LHFPL3: variants seen among roughly 807,000 people sequenced by gnomAD.
LHFPL3 encodes LHFPL tetraspan subfamily member 3, also known as LHFPL tetraspan subfamily member 3 protein.
A neutral mutation model predicts 19.3 loss-of-function variants in LHFPL3; 5 were observed. The observed-to-expected ratio is 0.26, with a 90% confidence interval of 0.14 to 0.54. The LOEUF is 0.54. Among genes scored for constraint, LHFPL3 ranks in the 20% least tolerant of loss-of-function variants. LHFPL3 has a pLI of 0.94. For synonymous variants in LHFPL3, 133 were observed against 126.2 expected, an observed-to-expected ratio of 1.05 and a Z score of -0.36; for missense variants, 249 against 307.4, an observed-to-expected ratio of 0.81 and a Z score of 1.42.
intron 1 of LHFPL3, among the ~76,000 whole-genome samples, chr7:104,723,362 G>A (rs1793522698): frequency 6.6e-6 from 1 of 152,172 alleles, no homozygotes; most frequent in African/African-American, 2.4e-5. Context: ...ATCATGGCAT[G>A]GTTTCTTTTC....
chr7:104,488,568 T>C (rs1793279980), intron 1 of LHFPL3, among the ~76,000 whole-genome samples: 1 of 152,142 alleles, frequency 6.6e-6, no homozygotes, highest in Admixed American at 6.5e-5. Flanking sequence ...ATCCTAAGAA[T>C]TTAAAGGTCC....
intron 1 of LHFPL3, among the ~76,000 whole-genome samples, chr7:104,644,952 C>T (rs2115910743): frequency 6.6e-6 from 1 of 152,302 alleles, no homozygotes; most frequent in South Asian, 2.1e-4. Context: ...GGTCTCTTCT[C>T]TATTACACCA....
chr7:104,520,033 A>G (rs569612287), intron 1 of LHFPL3, among the ~76,000 whole-genome samples: 14 of 151,912 alleles, frequency 9.2e-5, no homozygotes, highest in Admixed American at 2.6e-4. Flanking sequence ...CCGGTTTTCA[A>G]AGGGAATGCT....
chr7:104,488,390 G>A (rs1793276251), intron 1 of LHFPL3, among the ~76,000 whole-genome samples: 2 of 152,028 alleles, frequency 1.3e-5, no homozygotes, highest in Admixed American at 6.6e-5. Context: ...CTTTTCATTG[G>A]TTCACTTTTC....
chr7:104,491,025 G>T (rs1251991595), intron 1 of LHFPL3, among the ~76,000 whole-genome samples: 1 of 152,118 alleles, frequency 6.6e-6, no homozygotes, highest in South Asian at 2.1e-4. Flanking sequence ...TTGGAATCTA[G>T]ATCTCAAGGG....
intron 1 of LHFPL3, among the ~76,000 whole-genome samples, chr7:104,511,274 C>G (rs2115770122): frequency 1.3e-5 from 2 of 152,254 alleles, no homozygotes; most frequent in African/African-American, 4.8e-5. Flanking sequence ...TCACTAGACA[C>G]CTATCGGAAT....
intron 1 of LHFPL3, among the ~76,000 whole-genome samples, chr7:104,513,383 A>G (rs1423181645): frequency 1.3e-5 from 2 of 152,332 alleles, no homozygotes; most frequent in African/African-American, 4.8e-5. Flanking sequence ...AACTCCCAGC[A>G]TGGAAGGTGA....
In LHFPL3 at chr7:104,466,172, C is replaced by T. The variant is rs528668744; in HGVS notation, c.445+136948C>T. ...AATACTTAATAATACTTTTACCCAGCAACAACTTACATATCTGAAAATTTA... is the reference window on the plus strand; with the variant it reads ...AATACTTAATAATACTTTTACCCAGTAACAACTTACATATCTGAAAATTTA... On this transcript the variant is annotated intron_variant, in intron 1 of 2. Transcript: ENST00000424859. Among the ~76,000 whole-genome samples the T allele has an allele frequency of 2.6e-5, 4 of 152,282 alleles. No individual in the cohort carries two copies. In the East Asian group the frequency reaches 7.7e-4, roughly 29 times the overall value.
intron 2 of LHFPL3, among the ~76,000 whole-genome samples, chr7:104,748,254 T>C (rs942605158): frequency 6.6e-6 from 1 of 151,942 alleles, no homozygotes; most frequent in African/African-American, 2.4e-5. Context: ...AAGCCAGTAT[T>C]GTCCAAGGTT....
chr7:104,600,917 A>T (rs1790951916), intron 1 of LHFPL3, among the ~76,000 whole-genome samples: 1 of 152,160 alleles, frequency 6.6e-6, no homozygotes, highest in Non-Finnish European at 1.5e-5. Flanking sequence ...GAGTGTGTTC[A>T]TATGTAATGT....
intron 1 of LHFPL3, among the ~76,000 whole-genome samples, chr7:104,456,038 G>A (rs923035974): frequency 4.6e-5 from 7 of 152,206 alleles, no homozygotes; most frequent in Non-Finnish European, 8.8e-5. Context: ...ATCTGTCAGT[G>A]TATGAGGTCA....
intron 2 of LHFPL3, among the ~76,000 whole-genome samples, chr7:104,816,779 G>T (rs951796847): frequency 6.6e-6 from 1 of 152,186 alleles, no homozygotes; most frequent in Non-Finnish European, 1.5e-5. Flanking sequence ...GCCCAGGTGT[G>T]GAACCATCTC....
chr7:104,896,675 G>A (rs983410209), intron 2 of LHFPL3, among the ~76,000 whole-genome samples: 2 of 152,214 alleles, frequency 1.3e-5, no homozygotes, highest in Admixed American at 6.5e-5. Context: ...GGGTGCTGGA[G>A]TGCAGTCTGA....
intron 1 of LHFPL3, among the ~76,000 whole-genome samples, chr7:104,547,520 C>A (rs1794596972): frequency 6.6e-6 from 1 of 151,862 alleles, no homozygotes; most frequent in Non-Finnish European, 1.5e-5. Flanking sequence ...AGGTTGCAGT[C>A]AATTAATATA....
chr7:104,614,723 C>A, intron 1 of LHFPL3, among the ~76,000 whole-genome samples: 1 of 130,618 alleles, frequency 7.7e-6, no homozygotes, highest in East Asian at 2.3e-4. Context: ...TTCTTTCTTT[C>A]TTTCTTTCTT....
At chr7:104,901,190 A>T (rs141759525) in intron 2 of LHFPL3, among the ~76,000 whole-genome samples, 4 of 152,312 alleles carry the variant, frequency 2.6e-5, no homozygotes, top group African/African-American at 9.6e-5. Context: ...CTGTTTGAAG[A>T]GCTAGTCCTT....
chr7:104,745,058 A>G (rs548420307), intron 2 of LHFPL3, among the ~76,000 whole-genome samples: 2 of 152,322 alleles, frequency 1.3e-5, no homozygotes, highest in African/African-American at 4.8e-5. Context: ...ATATCTAATT[A>G]GCTTCTCAAA....
intron 1 of LHFPL3, chr7:104,470,044 C>T (rs6949536): frequency 0.36 from 162,784 of 455,280 alleles, 30,706 homozygotes; most frequent in Non-Finnish European, 0.42. Flanking sequence ...CGGGTGTTTA[C>T]TGCCTTGTGC....
intron 2 of LHFPL3, among the ~76,000 whole-genome samples, chr7:104,817,915 T>C (rs1790595792): frequency 6.6e-6 from 1 of 152,234 alleles, no homozygotes; most frequent in Admixed American, 6.5e-5. Context: ...GGCTATTTAA[T>C]TGTAGGTTAA....
Sources: allele counts gnomAD v4.1 joint callset (sites outside exome capture counted in the v4.1 genomes callset), GRCh38; gene constraint gnomAD v4.1.1; transcripts MANE v1.5; gene names NCBI Gene and HGNC (gene_info 2026-07-23, HGNC 2026-07-21).